The following SPRED1 variants were observed in gnomAD, a reference collection of about 807,000 sequenced individuals.
The protein encoded by SPRED1 is sprouty-related, EVH1 domain-containing protein 1.
SPRED1 carries 18 observed loss-of-function variants against 52.3 expected under a neutral mutation model. The ratio of observed to expected loss-of-function variants is 0.34; its 90% CI spans 0.24 to 0.51. The LOEUF (loss-of-function observed/expected upper bound fraction) is 0.51, where lower values mean the gene tolerates loss of function less well. SPRED1 is among the 20% of genes least tolerant of loss of function. SPRED1 has a pLI of 0.97. For synonymous variants in SPRED1, 155 were observed against 179.7 expected, an observed-to-expected ratio of 0.86 and a Z score of 1.10; for missense variants, 485 against 551.0, an observed-to-expected ratio of 0.88 and a Z score of 1.20.
intron 1 of SPRED1, among the ~76,000 whole-genome samples, chr15:38,256,311 A>G (rs1894095623): frequency 6.6e-6 from 1 of 152,166 alleles, no homozygotes; most frequent in Non-Finnish European, 1.5e-5. Context: ...TTAATACTCC[A>G]GTCAAATGTT....
rs555111934 is a variant in SPRED1, at chr15:38,340,955, A to G, written c.582+1060A>G. ...AGATTGGTAGTTATTTCTTTCTTAA[A>G]TGTTTGGTAGAATTCCTTAGTGAAG... On this transcript the variant is annotated intron_variant, in intron 5 of 6. Coordinates refer to ENST00000299084, the MANE Select transcript of SPRED1 (RefSeq NM_152594.3). Among the ~76,000 whole-genome samples the G allele has an allele frequency of 9.5e-5, 14 of 147,312 alleles. 1 individual carries two copies. The South Asian group carries it at 3.0e-3, about 32-fold the overall frequency.
At chr15:38,301,922 AG>A (rs1470162152) in intron 2 of SPRED1, among the ~76,000 whole-genome samples, 2 of 151,120 alleles carry the variant, frequency 1.3e-5, no homozygotes, top group Non-Finnish European at 2.9e-5. Flanking sequence ...GTAAGTCTAC[AG>A]GGTTCCTCCC....
intron 1 of SPRED1, among the ~76,000 whole-genome samples, chr15:38,286,946 A>G (rs995915163): frequency 6.6e-6 from 1 of 152,110 alleles, no homozygotes; most frequent in Non-Finnish European, 1.5e-5. Context: ...ACTGCACATT[A>G]TTATATTGCT....
intron 1 of SPRED1, among the ~76,000 whole-genome samples, chr15:38,260,811 ATCT>A (rs1381460188): frequency 1.7e-4 from 26 of 152,342 alleles, no homozygotes; most frequent in African/African-American, 6.3e-4. Flanking sequence ...AAAGGCTAAA[ATCT>A]TCTGCAATGG....
intron 1 of SPRED1, among the ~76,000 whole-genome samples, chr15:38,281,798 G>C (rs4597274): frequency 6.6e-6 from 1 of 151,958 alleles, no homozygotes; most frequent in Middle Eastern, 3.2e-3. Context: ...CATAGCTTTA[G>C]AGACATGCTG....
chr15:38,320,487 A>AT (rs145164419), intron 2 of SPRED1, among the ~76,000 whole-genome samples: 14,077 of 151,364 alleles, frequency 0.093, 797 homozygotes, highest in East Asian at 0.21. Context: ...TAAAGTTGCT[A>AT]TTTTTTTTTA....
chr15:38,290,045 T>C (rs1894888808), intron 1 of SPRED1, among the ~76,000 whole-genome samples: 2 of 152,252 alleles, frequency 1.3e-5, no homozygotes, highest in Admixed American at 1.3e-4. Flanking sequence ...TATCCTTTTA[T>C]ATTTTAATGG....
chr15:38,322,545 C>A, intron 3 of SPRED1, 136 bp downstream of exon 3: 2 of 774,662 alleles, frequency 2.6e-6, no homozygotes, highest in Non-Finnish European at 4.3e-6. Flanking sequence ...GGCTTTGAAA[C>A]CTCACAATAG....
At chr15:38,294,379 T>A (rs1894988311) in intron 1 of SPRED1, among the ~76,000 whole-genome samples, 1 of 152,192 alleles carries the variant, frequency 6.6e-6, no homozygotes, top group South Asian at 2.1e-4. Flanking sequence ...TTAATACTAT[T>A]GTAATTAAAA....
At chr15:38,337,073 T>C (rs1470455729) in intron 4 of SPRED1, among the ~76,000 whole-genome samples, 1 of 152,224 alleles carries the variant, frequency 6.6e-6, no homozygotes, top group Admixed American at 6.5e-5. Flanking sequence ...TAAAAGCTTT[T>C]GGTACATTTT....
At chr15:38,318,460 C>A (rs1219433657) in intron 2 of SPRED1, among the ~76,000 whole-genome samples, 1 of 152,108 alleles carries the variant, frequency 6.6e-6, no homozygotes, top group Non-Finnish European at 1.5e-5. Context: ...ACAATTTCAT[C>A]TTTTAGATTC....
chr15:38,346,340 A>G (rs1405631914), intron 5 of SPRED1, among the ~76,000 whole-genome samples: 1 of 151,758 alleles, frequency 6.6e-6, no homozygotes, highest in Non-Finnish European at 1.5e-5. Context: ...CTCTGGATGG[A>G]TAGATACATT....
intron 6 of SPRED1, 88 bp downstream of exon 6, chr15:38,349,611 G>A (rs1464395402): frequency 9.5e-6 from 9 of 949,814 alleles, no homozygotes; most frequent in Non-Finnish European, 4.9e-6. Context: ...TCTCCATATA[G>A]TTGAATTGTA....
rs1555388355 is a variant in SPRED1 at position 38,278,826 on chromosome 15, C to CTGTTTTT, written c.33-20545_33-20539dup. Among the ~76,000 whole-genome samples the CTGTTTTT allele has an allele frequency of 3.5e-4, 14 of 39,926 alleles. No individual in the cohort carries two copies. In the East Asian group the frequency reaches 9.5e-3, roughly 27 times the overall value. 26.2% of individuals were successfully genotyped at this position (39,926 alleles called of 152,430 possible). ...ACACAACCATTATAACCTAACTACA[C>CTGTTTTT]TGTTTTTTTTTTTTTTTGTGAAATG... On this transcript the variant is annotated intron_variant, in intron 1 of 6. Transcript: ENST00000299084.
rs538420981 is a variant in SPRED1, at chr15:38,274,582, G to A, written c.32+21365G>A. 2.0e-5 allele frequency among the ~76,000 whole-genome samples: 3 copies of A among 152,254 alleles called. No individual in the cohort carries two copies. The South Asian group carries it at 6.2e-4, about 32-fold the overall frequency. ...TAAAATGTTTTACATAGCCAAATCA[G>A]GAAACTAGGATCTATACAATATTAT... On this transcript the variant is annotated intron_variant, in intron 1 of 6. Coordinates refer to ENST00000299084, the MANE Select transcript of SPRED1 (RefSeq NM_152594.3).
rs1221405249 is a variant in SPRED1, at chr15:38,351,375, G to A, written c.1046G>A (p.Arg349Lys). Residue 349 changes from arginine to lysine, a missense_variant, in exon 7 of 7, where the codon AGG becomes AAG. Arg to Lys is a conservative substitution (Grantham distance 26). Transcript: ENST00000299084. ...QERFNHEENV[R>K]GKCQDAPDPI... The stretch of plus-strand genomic sequence containing the variant: ...AGGTTTAATCATGAAGAAAATGTTA[G>A]GGGAAAATGTCAGGATGCTCCAGAC... 1 of 1,614,060 alleles carries A rather than the reference G, an allele frequency of 6.2e-7. No individual in the cohort carries two copies. Among genetic ancestry groups the A allele is most frequent in the Admixed American group, 1.7e-5 (1 of 60,010 alleles).
intron 2 of SPRED1, among the ~76,000 whole-genome samples, chr15:38,317,194 A>AT (rs1157237014): frequency 6.6e-6 from 1 of 151,984 alleles, no homozygotes; most frequent in African/African-American, 2.4e-5. Context: ...TTTAATTAGA[A>AT]TTAGGGATAT....
intron 4 of SPRED1, among the ~76,000 whole-genome samples, chr15:38,325,452 T>C (rs1319097592): frequency 2.6e-5 from 4 of 151,256 alleles, no homozygotes; most frequent in Non-Finnish European, 5.9e-5. Flanking sequence ...TTTCTGGGGT[T>C]TTTTTTTTCT....
chr15:38,292,015 G>A (rs1418658144), intron 1 of SPRED1, among the ~76,000 whole-genome samples: 1 of 152,134 alleles, frequency 6.6e-6, no homozygotes, highest in Admixed American at 6.6e-5. Flanking sequence ...CTTTAATACT[G>A]TTTCCCTTTG....
Sources: allele counts gnomAD v4.1 joint callset (sites outside exome capture counted in the v4.1 genomes callset), GRCh38; gene constraint gnomAD v4.1.1; transcripts MANE v1.5; gene names NCBI Gene and HGNC (gene_info 2026-07-23, HGNC 2026-07-21).